Variants in FMNL2 observed in about 807,000 individuals in gnomAD.
FMNL2 encodes the protein formin-like protein 2.
Under a neutral mutation model 130.2 loss-of-function variants are expected in FMNL2, and 51 were observed. The observed-to-expected ratio is 0.39, with a 90% CI of 0.31 to 0.49. The LOEUF (loss-of-function observed/expected upper bound fraction) is 0.49, where lower values mean the gene tolerates loss of function less well. Ranked by LOEUF, FMNL2 falls within the 20% of genes least tolerant of loss-of-function variation. FMNL2 has a pLI of 0.85. For synonymous variants in FMNL2, 465 were observed against 467.1 expected, an observed-to-expected ratio of 1.00 and a Z score of 0.06; for missense variants, 977 against 1,316.2, an observed-to-expected ratio of 0.74 and a Z score of 3.99.
At chr2:152,520,229 A>G (rs1424714414) in intron 1 of FMNL2, among the ~76,000 whole-genome samples, 1 of 152,216 alleles carries the variant, frequency 6.6e-6, no homozygotes, top group Non-Finnish European at 1.5e-5. Flanking sequence ...TGGCAGTACC[A>G]TTGAAAACTC....
intron 1 of FMNL2, among the ~76,000 whole-genome samples, chr2:152,487,830 C>T (rs1384532184): frequency 3.3e-5 from 5 of 151,438 alleles, no homozygotes; most frequent in African/African-American, 7.3e-5. Context: ...CTCTGTTGCC[C>T]AGGCTGGAGT....
chr2:152,589,775 A>G (rs970911928), intron 9 of FMNL2, among the ~76,000 whole-genome samples: 2 of 151,536 alleles, frequency 1.3e-5, no homozygotes, highest in African/African-American at 4.9e-5. Flanking sequence ...ATTTCGTGAA[A>G]GGCCTATTTA....
chr2:152,542,865 C>T (rs763171866), intron 3 of FMNL2, 46 bp downstream of exon 3: 26 of 1,585,464 alleles, frequency 1.6e-5, no homozygotes, highest in African/African-American at 6.7e-5. Context: ...TCCTTATTAG[C>T]GAGCAGAATC....
intron 6 of FMNL2, among the ~76,000 whole-genome samples, chr2:152,565,987 C>A (rs577634531): frequency 2.6e-5 from 4 of 152,164 alleles, no homozygotes; most frequent in Non-Finnish European, 5.9e-5. Flanking sequence ...CACTATGTTG[C>A]CCAGGCTGCT....
At chr2:152,586,705 C>A (rs186052021) in intron 9 of FMNL2, among the ~76,000 whole-genome samples, 2 of 152,138 alleles carry the variant, frequency 1.3e-5, no homozygotes, top group Admixed American at 1.3e-4. Flanking sequence ...TTAGATTGAT[C>A]TAATTAACCA....
At chr2:152,345,339 T>C (rs1427177421) in intron 1 of FMNL2, among the ~76,000 whole-genome samples, 1 of 152,136 alleles carries the variant, frequency 6.6e-6, no homozygotes, top group Non-Finnish European at 1.5e-5. Flanking sequence ...ATTGAATAAA[T>C]TGAATAAAAA....
chr2:152,500,268 C>G (rs78821581), intron 1 of FMNL2, among the ~76,000 whole-genome samples: 1,647 of 152,012 alleles, frequency 0.011, 9 homozygotes, highest in South Asian at 0.02. Flanking sequence ...CTGAAATACA[C>G]TTAGATTAAG....
intron 1 of FMNL2, among the ~76,000 whole-genome samples, chr2:152,476,127 A>AT (rs1690139176): frequency 6.6e-6 from 1 of 152,190 alleles, no homozygotes; most frequent in African/African-American, 2.4e-5. Flanking sequence ...TTCCTGTCTC[A>AT]GATGGTATCC....
chr2:152,357,859 A>G (rs940059031), intron 1 of FMNL2, among the ~76,000 whole-genome samples: 5 of 152,212 alleles, frequency 3.3e-5, no homozygotes, highest in African/African-American at 1.2e-4. Context: ...GACTTTATAG[A>G]CCATAACTGT....
intron 21 of FMNL2, among the ~76,000 whole-genome samples, 158 bp downstream of exon 21, chr2:152,632,295 C>T (rs1278419756): frequency 1.3e-5 from 2 of 152,186 alleles, no homozygotes; most frequent in African/African-American, 4.8e-5. Flanking sequence ...TGGTGTTGTC[C>T]ACCCCTGAGA....
In FMNL2 at chr2:152,624,963, A is replaced by G. The variant is rs555744267; in HGVS notation, c.1838-475A>G. On this transcript the variant is annotated intron_variant, in intron 15 of 25. Coordinates refer to ENST00000288670, the MANE Select transcript of FMNL2 (RefSeq NM_052905.4). ...CATGACGTTGTACTTCTGGTAGTCT[A>G]GTCAGCCACTGTCTGCAGTCCCTGA... is the stretch of plus-strand genomic sequence containing the variant. 9.8e-5 allele frequency among the ~76,000 whole-genome samples: 15 copies of G among 152,314 alleles called. No homozygotes were observed. The South Asian group carries it at 2.9e-3, about 29-fold the overall frequency.
At position 152,647,853 on chromosome 2, in the gene FMNL2, G is replaced by A. The variant is rs755508231; in HGVS notation, c.3227G>A (p.Arg1076His). 2.5e-5 allele frequency: 41 copies of A among 1,613,764 alleles called. No individual in the cohort carries two copies. The highest frequency in any genetic ancestry group is 1.8e-4 in the Admixed American group (11 of 59,974). The change falls in exon 26 of 26, where the codon CGC becomes CAC. Residue 1076 changes from arginine (R) to histidine (H), a missense_variant. Arg to His is a conservative substitution (Grantham distance 29). This residue lies in a region of FMNL2 where 168 missense variants were observed against 168.8 expected (regional missense o/e 1.00). Transcript: ENST00000288670. Reference sequence around the variant, plus strand: ...GCGGTGAGGAGAAGCGTCAGGCGGCGCTTTGATGATCAGAACTTGCGTTCT... The same window carrying A: ...GCGGTGAGGAGAAGCGTCAGGCGGCACTTTGATGATCAGAACTTGCGTTCT... ...ADAVRRSVRR[R>H]FDDQNLRSVN...
rs772480143 is a variant in FMNL2 at position 152,647,940 on chromosome 2, GTGAA to G, written c.*40_*43del. 2 of 1,538,380 alleles carry G rather than the reference GTGAA, an allele frequency of 1.3e-6. No homozygotes were observed. The highest frequency in any genetic ancestry group is 2.8e-5 in the African/African-American group (2 of 72,576). On this transcript the variant is annotated 3_prime_UTR_variant, in exon 26 of 26. Transcript: ENST00000288670. ...TGGCCTGCATGAATACAGGGTGTGC[GTGAA>G]TGAAACTGCCCACATGAACTTTATG...
chr2:152,577,092 TAGG>T (rs1696519748), intron 7 of FMNL2, among the ~76,000 whole-genome samples: 1 of 152,146 alleles, frequency 6.6e-6, no homozygotes, highest in Admixed American at 6.5e-5. Context: ...GTAGACCATT[TAGG>T]AGGCTTTTAG....
intron 6 of FMNL2, among the ~76,000 whole-genome samples, chr2:152,568,829 T>G (rs2105649918): frequency 6.6e-6 from 1 of 152,208 alleles, no homozygotes; most frequent in East Asian, 1.9e-4. Flanking sequence ...CCACGATACA[T>G]GGGGATTATG....
intron 4 of FMNL2, among the ~76,000 whole-genome samples, chr2:152,554,081 G>GA (rs1452634546): frequency 6.6e-6 from 1 of 152,148 alleles, no homozygotes; most frequent in Non-Finnish European, 1.5e-5. Context: ...TGTAGAGTCT[G>GA]AAATCATATC....
At chr2:152,542,846 G>A (rs1367883922) in intron 3 of FMNL2, 27 bp downstream of exon 3, 1 of 1,608,688 alleles carries the variant, frequency 6.2e-7, no homozygotes, top group Non-Finnish European at 8.5e-7. Flanking sequence ...TCCACTCTTT[G>A]TTATTGCTTC....
chr2:152,352,572 T>A (rs867418512), intron 1 of FMNL2, among the ~76,000 whole-genome samples: 3 of 152,198 alleles, frequency 2.0e-5, no homozygotes, highest in African/African-American at 7.2e-5. Flanking sequence ...ATCTTTTCAG[T>A]CTGTGTTCAT....
intron 4 of FMNL2, among the ~76,000 whole-genome samples, chr2:152,556,999 G>T (rs531529262): frequency 3.9e-5 from 6 of 152,108 alleles, no homozygotes; most frequent in Admixed American, 2.0e-4. Flanking sequence ...AGGCTAAGGG[G>T]CTTGAATTTA....
Sources: allele counts gnomAD v4.1 joint callset (sites outside exome capture counted in the v4.1 genomes callset), GRCh38; gene constraint gnomAD v4.1.1; regional missense constraint gnomAD v4.1.1; transcripts MANE v1.5; gene names NCBI Gene and HGNC (gene_info 2026-07-23, HGNC 2026-07-21).